SUFU: variants seen among roughly 807,000 people sequenced by gnomAD.
SUFU encodes the protein SUFU negative regulator of hedgehog signaling, also known as suppressor of fused homolog.
A neutral mutation model predicts 58.9 loss-of-function variants in SUFU; 7 were observed. The observed-to-expected ratio is 0.12, with a 90% confidence interval of 0.07 to 0.22. The LOEUF is 0.22. Among genes scored for constraint, SUFU ranks in the 10% least tolerant of loss-of-function variants. The pLI, the probability that SUFU is intolerant of heterozygous loss-of-function variation, is 1.00. For synonymous variants in SUFU, 232 were observed against 254.8 expected, an observed-to-expected ratio of 0.91 and a Z score of 0.85; for missense variants, 451 against 641.3, an observed-to-expected ratio of 0.70 and a Z score of 3.20.
Position 102,629,998 on chromosome 10 carries a change from C to G in SUFU, c.1366-68C>G. 1 of 1,457,200 alleles carries G rather than the reference C, an allele frequency of 6.9e-7. No homozygotes were observed. The highest frequency in any genetic ancestry group is 1.1e-5 in the South Asian group (1 of 87,910). 90.3% of individuals were successfully genotyped at this position (1,457,200 alleles called of 1,614,324 possible). On this transcript the variant is annotated intron_variant, in intron 11 of 11. Transcript: ENST00000369902. The surrounding 1 kb of genome is among the most constrained non-coding windows in gnomAD (Gnocchi z 4.7). ...CTCCCCGGGGACAGGCCTGGGCAAT[C>G]TCTGGAAAGACCACGGTGTATTCTG...
At chr10:102,576,013 G>GTT (rs67264950) in intron 3 of SUFU, among the ~76,000 whole-genome samples, 2 of 142,384 alleles carry the variant, frequency 1.4e-5, no homozygotes, top group Non-Finnish European at 3.1e-5. Context: ...ATTTTTCTGT[G>GTT]TTTTTTTTTT....
intron 2 of SUFU, among the ~76,000 whole-genome samples, chr10:102,545,018 T>C (rs2062839471): frequency 6.6e-6 from 1 of 152,214 alleles, no homozygotes; most frequent in Non-Finnish European, 1.5e-5. Context: ...ATTCCTCAGT[T>C]GATGGACATT....
chr10:102,555,943 G>T (rs1053100325), intron 3 of SUFU, among the ~76,000 whole-genome samples: 2 of 152,206 alleles, frequency 1.3e-5, no homozygotes, highest in East Asian at 1.9e-4. Flanking sequence ...TGATGGTCTT[G>T]CCTCACTTGT....
Position 102,630,610 on chromosome 10 carries a change from G to A in SUFU, c.*455G>A, listed in dbSNP as rs1479394038. 10 of 320,984 alleles carry A rather than the reference G, an allele frequency of 3.1e-5. No homozygotes were observed. In the East Asian group the frequency reaches 4.6e-4, roughly 15 times the overall value. The allele number at this position is 320,984 out of a possible 1,614,324, so 19.9% of individuals were successfully genotyped here. A position where few individuals can be genotyped will look rare whatever the true frequency, so the allele number is the denominator to read the frequency against. On this transcript the variant is annotated 3_prime_UTR_variant, in exon 12 of 12. Coordinates refer to ENST00000369902, the MANE Select transcript of SUFU (RefSeq NM_016169.4). ...AAGCCTTTGCTACTCAAGCTCCTCT[G>A]GCCGCGGAACAATTCCTCTGATCAT... is the stretch of plus-strand genomic sequence containing the variant.
Position 102,630,521 on chromosome 10 carries a change from C to T in SUFU, c.*366C>T, listed in dbSNP as rs1264394307. On this transcript the variant is annotated 3_prime_UTR_variant, in exon 12 of 12. Coordinates refer to ENST00000369902, the MANE Select transcript of SUFU (RefSeq NM_016169.4). Reference sequence around the variant, plus strand: ...CTCACCTACCCCCTGCCGCACAGCCCAGCAGGAGGGAGGCGGACAGCCAGA... The same window carrying T: ...CTCACCTACCCCCTGCCGCACAGCCTAGCAGGAGGGAGGCGGACAGCCAGA... 2.3e-6 allele frequency: 1 copy of T among 426,576 alleles called. No individual in the cohort carries two copies. The highest frequency in any genetic ancestry group is 2.4e-5 in the South Asian group (1 of 41,794). 26.4% of individuals were successfully genotyped at this position (426,576 alleles called of 1,614,324 possible). A position where few individuals can be genotyped will look rare whatever the true frequency, so the allele number is the denominator to read the frequency against.
chr10:102,574,316 A>G (rs1327745790), intron 3 of SUFU, among the ~76,000 whole-genome samples: 1 of 152,234 alleles, frequency 6.6e-6, no homozygotes, highest in African/African-American at 2.4e-5. Context: ...ATACACAAAG[A>G]CAGAAAAAAC....
chr10:102,628,223 C>T lies in SUFU; in HGVS notation c.1365+980C>T, dbSNP rs944444965. Among the ~76,000 whole-genome samples the T allele has an allele frequency of 1.3e-4, 20 of 152,168 alleles. No homozygotes were observed. Among genetic ancestry groups the T allele is most frequent in the Non-Finnish European group, 2.5e-4 (17 of 68,020 alleles). ...TCCAGGGCTCCCTGGGCTGCAACAG[C>T]CAGGACACAGGCCTCTGGTGTTTAG... On this transcript the variant is annotated intron_variant, in intron 11 of 11. Transcript: ENST00000369902. This position sits in a 1 kb window ranked among gnomAD's most constrained non-coding sequence, Gnocchi z 4.5.
chr10:102,621,024 C>T (rs886422027), intron 10 of SUFU, among the ~76,000 whole-genome samples: 6 of 152,236 alleles, frequency 3.9e-5, no homozygotes, highest in South Asian at 2.1e-4. Flanking sequence ...AAGCCCCAGG[C>T]GTGGGAGAAG....
rs1356155686 is a variant in SUFU, at chr10:102,617,265, A to G, written c.1158-25A>G. 6.2e-7 allele frequency: 1 copy of G among 1,614,106 alleles called. No individual in the cohort carries two copies. Among genetic ancestry groups the G allele is most frequent in the Admixed American group, 1.7e-5 (1 of 60,018 alleles). On this transcript the variant is annotated intron_variant, in intron 9 of 11. Transcript: ENST00000369902. This position sits in a 1 kb window ranked among gnomAD's most constrained non-coding sequence, Gnocchi z 4.4. ...GAACTGTTTCCAAGCCCAGCTCCTC[A>G]CTGTCTCCATGTTCCCATCTCCAGG... is the stretch of plus-strand genomic sequence containing the variant.
At chr10:102,588,209 T>C (rs1248119661) in intron 3 of SUFU, among the ~76,000 whole-genome samples, 2 of 151,948 alleles carry the variant, frequency 1.3e-5, no homozygotes, top group East Asian at 3.9e-4. Flanking sequence ...CTGGCTAACA[T>C]GGTGAAACCC....
intron 10 of SUFU, among the ~76,000 whole-genome samples, chr10:102,620,624 A>G (rs1713328348): frequency 6.6e-6 from 1 of 152,166 alleles, no homozygotes; most frequent in Non-Finnish European, 1.5e-5. Flanking sequence ...ATCCTTGCTG[A>G]GACTGTAAAG....
intron 5 of SUFU, 97 bp from the exon 6 acceptor site, chr10:102,593,896 T>C (rs945845242): frequency 4.7e-5 from 70 of 1,477,786 alleles, no homozygotes; most frequent in Non-Finnish European, 5.9e-5. Flanking sequence ...TATTCCCCTG[T>C]GTCCTAGGCC....
intron 8 of SUFU, among the ~76,000 whole-genome samples, chr10:102,605,175 CCAA>C (rs2063551651): frequency 2.0e-5 from 3 of 151,886 alleles, no homozygotes; most frequent in African/African-American, 7.2e-5. Flanking sequence ...CCTCAGCCTC[CCAA>C]AGTGCTGGGA....
intron 2 of SUFU, among the ~76,000 whole-genome samples, chr10:102,526,046 A>G (rs1045903724): frequency 6.7e-6 from 1 of 149,466 alleles, no homozygotes; most frequent in Non-Finnish European, 1.5e-5. Context: ...GTTCTGGGCT[A>G]TTATGCACTA....
intron 3 of SUFU, among the ~76,000 whole-genome samples, chr10:102,551,497 G>A (rs2062914358): frequency 6.6e-6 from 1 of 151,760 alleles, no homozygotes. Flanking sequence ...AATTAGCCAG[G>A]CATGGTGGTG....
At chr10:102,502,873 A>G (rs1272060664), upstream of SUFU, among the ~76,000 whole-genome samples, 1 of 152,242 alleles carries the variant, frequency 6.6e-6, no homozygotes, top group Non-Finnish European at 1.5e-5. Flanking sequence ...TCCAATGCGC[A>G]GTACCCTGGG....
rs1181304761 is a variant in SUFU at position 102,593,614 on chromosome 10, G to A, written c.598-22G>A. 2.5e-6 allele frequency: 4 copies of A among 1,613,782 alleles called. No individual in the cohort carries two copies. The highest frequency in any genetic ancestry group is 1.7e-5 in the Admixed American group (1 of 60,010). On this transcript the variant is annotated intron_variant, in intron 4 of 11. Transcript: ENST00000369902. ...GGGGGGTGGCCATTAACACACAATG[G>A]GCTTTCTATCCTGGGCCTCAGATCG...
rs2063826405 is a variant in SUFU at position 102,630,276 on chromosome 10, AG to A, written c.*122del. 2.2e-6 allele frequency: 2 copies of A among 908,736 alleles called. No individual in the cohort carries two copies. Among genetic ancestry groups the A allele is most frequent in the South Asian group, 2.7e-5 (2 of 73,620 alleles). 56.3% of individuals were successfully genotyped at this position (908,736 alleles called of 1,614,324 possible). A position where few individuals can be genotyped will look rare whatever the true frequency, so the allele number is the denominator to read the frequency against. On this transcript the variant is annotated 3_prime_UTR_variant, in exon 12 of 12. Coordinates refer to ENST00000369902, the MANE Select transcript of SUFU (RefSeq NM_016169.4). ...AGGACAAGTGTGAGGAAGACTGCGC[AG>A]TGCCACCCCGCAGCCCAGTGGGGTG...
chr10:102,503,864 A>T, upstream of SUFU: 1 of 399,208 alleles, frequency 2.5e-6, no homozygotes, highest in Non-Finnish European at 4.5e-6. Flanking sequence ...GTCAAGTCAC[A>T]CCTTCCCTGC....
Sources: gnomAD v4.1 joint callset for allele counts (sites outside exome capture counted in the v4.1 genomes callset) on GRCh38, gnomAD v4.1.1 for gene constraint, Gnocchi (gnomAD v3.1) non-coding constraint, MANE v1.5 for transcripts, NCBI Gene and HGNC (gene_info 2026-07-23, HGNC 2026-07-21) for gene names.